NRF1: variants seen among roughly 807,000 people sequenced by gnomAD.
NRF1 encodes alpha palindromic-binding protein.
Under a neutral mutation model 58.5 loss-of-function variants are expected in NRF1, and 5 were observed. That is an observed-to-expected ratio of 0.09 (90% confidence interval 0.04 to 0.18). NRF1 has a LOEUF of 0.18. Ranked by LOEUF, NRF1 falls within the 10% of genes least tolerant of loss-of-function variation. The probability of loss-of-function intolerance (pLI) is 1.00; values close to 1 mark genes in which losing one functional copy is unlikely to be tolerated. For synonymous variants in NRF1, 224 were observed against 246.7 expected, an observed-to-expected ratio of 0.91 and a Z score of 0.86; for missense variants, 288 against 657.7, an observed-to-expected ratio of 0.44 and a Z score of 6.15.
intron 5 of NRF1, among the ~76,000 whole-genome samples, chr7:129,706,541 T>C (rs1331371270): frequency 6.6e-6 from 1 of 152,074 alleles, no homozygotes; most frequent in Non-Finnish European, 1.5e-5. Context: ...CATTTTTAGT[T>C]TGAGTGGCCG....
intron 10 of NRF1, among the ~76,000 whole-genome samples, chr7:129,728,398 G>A (rs1465691661): frequency 6.7e-6 from 1 of 149,492 alleles, no homozygotes; most frequent in Non-Finnish European, 1.5e-5. Context: ...GAACCCGAGA[G>A]GCAGAGGTTG....
At chr7:129,646,904 C>T (rs1801417734) in intron 1 of NRF1, among the ~76,000 whole-genome samples, 1 of 152,130 alleles carries the variant, frequency 6.6e-6, no homozygotes, top group South Asian at 2.1e-4. Flanking sequence ...CTGTAACTGC[C>T]TGGGTGTAGC....
At chr7:129,667,015 T>C (rs1279440754) in intron 2 of NRF1, among the ~76,000 whole-genome samples, 1 of 152,250 alleles carries the variant, frequency 6.6e-6, no homozygotes, top group Non-Finnish European at 1.5e-5. Flanking sequence ...TGATATGTTC[T>C]AGTCTGTTCT....
chr7:129,647,024 C>T (rs897646847), intron 1 of NRF1, among the ~76,000 whole-genome samples: 13 of 152,076 alleles, frequency 8.5e-5, no homozygotes, highest in Non-Finnish European at 1.9e-4. Flanking sequence ...CTTCAGTGAG[C>T]TTACAGTATT....
At chr7:129,657,607 ATTT>A (rs11446444) in intron 2 of NRF1, 33 bp downstream of exon 2, 1,797 of 994,644 alleles carry the variant, frequency 1.8e-3, no homozygotes, top group Middle Eastern at 3.0e-3. Flanking sequence ...CTCTTCTTTA[ATTT>A]TTTTTTTTTT....
chr7:129,688,692 CAG>C (rs796933983), intron 4 of NRF1, among the ~76,000 whole-genome samples: 100 of 139,530 alleles, frequency 7.2e-4, no homozygotes, highest in African/African-American at 2.8e-3. Flanking sequence ...AGGAGAGAGA[CAG>C]AGAGAGAGAC....
chr7:129,711,591 C>G lies in NRF1; in HGVS notation c.1065+15C>G. On this transcript the variant is annotated intron_variant, in intron 8 of 10. Transcript: ENST00000393232. ...CTGATGGAGAGGTAAGAAAGAGATTCCATCTGCATCTTCTTAAATACTTGA... is the reference window on the plus strand; with the variant it reads ...CTGATGGAGAGGTAAGAAAGAGATTGCATCTGCATCTTCTTAAATACTTGA... The G allele has an allele frequency of 6.3e-7, 1 of 1,584,554 alleles. No individual in the cohort carries two copies. Among genetic ancestry groups the G allele is most frequent in the Non-Finnish European group, 8.6e-7 (1 of 1,157,920 alleles).
chr7:129,631,420 A>C (rs1012614644), intron 1 of NRF1, among the ~76,000 whole-genome samples: 10 of 151,824 alleles, frequency 6.6e-5, no homozygotes, highest in African/African-American at 1.9e-4. Context: ...GGGTCTCCCT[A>C]TGTTGCCAAG....
At chr7:129,646,098 C>T (rs1319398276) in intron 1 of NRF1, among the ~76,000 whole-genome samples, 2 of 152,178 alleles carry the variant, frequency 1.3e-5, no homozygotes, top group African/African-American at 4.8e-5. Context: ...GATCCACCTG[C>T]CTCCCAAGGT....
intron 10 of NRF1, among the ~76,000 whole-genome samples, chr7:129,731,261 A>G (rs1584680061): frequency 7.1e-6 from 1 of 140,440 alleles, no homozygotes; most frequent in African/African-American, 2.6e-5. Flanking sequence ...ACAGAGCAAG[A>G]CTCCGTCTTG....
intron 1 of NRF1, among the ~76,000 whole-genome samples, chr7:129,625,663 G>A (rs1800896511): frequency 6.9e-6 from 1 of 144,226 alleles, no homozygotes; most frequent in South Asian, 2.2e-4. Context: ...ACCATGCCCG[G>A]CTAATGTTTT....
At chr7:129,651,517 C>T (rs1801535549) in intron 1 of NRF1, among the ~76,000 whole-genome samples, 1 of 151,888 alleles carries the variant, frequency 6.6e-6, no homozygotes, top group South Asian at 2.1e-4. Context: ...GCCTGTGAAG[C>T]AGACAGCCCT....
chr7:129,736,479 A>T (rs1206601306), intron 10 of NRF1, among the ~76,000 whole-genome samples: 3 of 151,220 alleles, frequency 2.0e-5, no homozygotes, highest in Non-Finnish European at 4.4e-5. Flanking sequence ...CTGGTCTCGA[A>T]CTCCTGACCT....
chr7:129,693,456 G>A (rs139035366), intron 5 of NRF1, among the ~76,000 whole-genome samples: 3 of 152,216 alleles, frequency 2.0e-5, no homozygotes, highest in African/African-American at 2.4e-5. Flanking sequence ...CCCACGTCCC[G>A]CAAGACGCAT....
intron 1 of NRF1, among the ~76,000 whole-genome samples, chr7:129,618,111 G>A (rs1198449188): frequency 6.6e-6 from 1 of 152,172 alleles, no homozygotes; most frequent in Non-Finnish European, 1.5e-5. Flanking sequence ...TGATGTAAAA[G>A]GACATCGATT....
intron 10 of NRF1, among the ~76,000 whole-genome samples, chr7:129,752,065 G>A (rs1804130403): frequency 6.6e-6 from 1 of 152,178 alleles, no homozygotes; most frequent in Admixed American, 6.5e-5. Flanking sequence ...CATACTGTGA[G>A]GAACATGAAA....
chr7:129,658,669 A>G (rs998338161), intron 2 of NRF1, among the ~76,000 whole-genome samples: 2 of 151,902 alleles, frequency 1.3e-5, no homozygotes, highest in Non-Finnish European at 2.9e-5. Flanking sequence ...GGATAATACA[A>G]ATTTCTTAGA....
chr7:129,746,907 A>G (rs935199905), intron 10 of NRF1, among the ~76,000 whole-genome samples: 1 of 152,200 alleles, frequency 6.6e-6, no homozygotes, highest in African/African-American at 2.4e-5. Flanking sequence ...TTCCATGACC[A>G]CCTTGGAAGG....
rs372402339 is a variant in NRF1, at chr7:129,677,764, T to G, written c.465+6T>G. Reference sequence around the variant, plus strand: ...CAGCACCTTTGGAGAATGTGGTAAGTCAGAACCAAGCTGTTCTCATTTGCC... The same window carrying G: ...CAGCACCTTTGGAGAATGTGGTAAGGCAGAACCAAGCTGTTCTCATTTGCC... On this transcript the variant is annotated splice_donor_region_variant and intron_variant, in intron 4 of 10. Transcript: ENST00000393232. The G allele has an allele frequency of 6.2e-6, 10 of 1,613,408 alleles. No individual in the cohort carries two copies. The highest frequency in any genetic ancestry group is 8.5e-6 in the Non-Finnish European group (10 of 1,179,842).
Sources: allele counts gnomAD v4.1 joint callset (sites outside exome capture counted in the v4.1 genomes callset), GRCh38; gene constraint gnomAD v4.1.1; transcripts MANE v1.5; gene names NCBI Gene and HGNC (gene_info 2026-07-23, HGNC 2026-07-21).